SNX29: variants seen among roughly 807,000 people sequenced by gnomAD.
SNX29 encodes the protein sorting nexin 29, also known as sorting nexin-29.
Under a neutral mutation model 102.1 loss-of-function variants are expected in SNX29, and 78 were observed. The observed-to-expected ratio is 0.76, with a 90% confidence interval of 0.64 to 0.92. SNX29 has a LOEUF of 0.92. Among genes scored for constraint, SNX29 ranks in the 40% least tolerant of loss-of-function variants. The pLI is 0.00. For missense variants in SNX29, 1,280 were observed against 1,061.7 expected (o/e 1.21, Z -2.86); for synonymous variants, 580 against 414.5 (o/e 1.40, Z -4.85).
chr16:12,330,440 C>T lies in SNX29; in HGVS notation c.1783-25723C>T, dbSNP rs1172680565. Among the ~76,000 whole-genome samples, 5 of 152,284 alleles carry T rather than the reference C, an allele frequency of 3.3e-5. No individual in the cohort carries two copies. The East Asian group carries it at 7.7e-4, about 24-fold the overall frequency. On this transcript the variant is annotated intron_variant, in intron 15 of 20. Coordinates refer to ENST00000566228, the MANE Select transcript of SNX29 (RefSeq NM_032167.5). ...TGAGATCACACCACGGCACTCCAGC[C>T]TGAAATGGGCTTGACGGTCATAAGT...
chr16:12,541,170 T>A (rs2077318340), intron 20 of SNX29, among the ~76,000 whole-genome samples: 1 of 152,186 alleles, frequency 6.6e-6, no homozygotes, highest in Non-Finnish European at 1.5e-5. Flanking sequence ...ACCTGGAACC[T>A]CTTCCTCAGT....
intron 13 of SNX29, among the ~76,000 whole-genome samples, chr16:12,192,103 G>T (rs1399984314): frequency 6.6e-6 from 1 of 152,176 alleles, no homozygotes; most frequent in African/African-American, 2.4e-5. Context: ...AGTGCTGTCT[G>T]GGGTTGCTGG....
intron 18 of SNX29, among the ~76,000 whole-genome samples, chr16:12,407,286 T>G (rs1256933037): frequency 6.6e-5 from 10 of 152,042 alleles, no homozygotes; most frequent in African/African-American, 2.4e-5. Flanking sequence ...AAGGCTGGGG[T>G]CATTGCCTTT....
rs549745628 is a variant in SNX29, at chr16:12,215,763, A to C, written c.1678+16080A>C. On this transcript the variant is annotated intron_variant, in intron 14 of 20. Transcript: ENST00000566228. ...TTTCTGATTTTGTCCTCGTAATCTC[A>C]CTGTTTTGGGGAATGAATTCCTCCA... Among the ~76,000 whole-genome samples, 33 of 152,212 alleles carry C rather than the reference A, an allele frequency of 2.2e-4. No individual in the cohort carries two copies. The South Asian group carries it at 6.7e-3, about 31-fold the overall frequency.
intron 14 of SNX29, among the ~76,000 whole-genome samples, chr16:12,252,270 C>G (rs974537178): frequency 6.6e-6 from 1 of 151,544 alleles, no homozygotes; most frequent in African/African-American, 2.4e-5. Flanking sequence ...CCTCTATCCT[C>G]CTGTCTAAAA....
intron 13 of SNX29, among the ~76,000 whole-genome samples, chr16:12,168,004 G>A (rs746619546): frequency 6.6e-6 from 1 of 152,174 alleles, no homozygotes; most frequent in African/African-American, 2.4e-5. Context: ...CAGCCAGCAC[G>A]CTGCGCTGGC....
intron 16 of SNX29, among the ~76,000 whole-genome samples, chr16:12,390,859 A>C (rs116708734): frequency 6.6e-6 from 1 of 151,052 alleles, no homozygotes; most frequent in African/African-American, 2.4e-5. Flanking sequence ...GGCCCAGCTG[A>C]CTCAAGTCTT....
intron 20 of SNX29, among the ~76,000 whole-genome samples, chr16:12,560,586 G>A (rs1332899007): frequency 6.6e-6 from 1 of 152,144 alleles, no homozygotes; most frequent in Non-Finnish European, 1.5e-5. Flanking sequence ...CTGTCCATCT[G>A]TACCTCTCAT....
At chr16:12,153,563 T>C (rs896853958) in intron 13 of SNX29, among the ~76,000 whole-genome samples, 1 of 151,492 alleles carries the variant, frequency 6.6e-6, no homozygotes, top group Admixed American at 6.6e-5. Flanking sequence ...AGCCTCTGCC[T>C]CCTGGGTTCA....
intron 20 of SNX29, among the ~76,000 whole-genome samples, chr16:12,539,708 G>C (rs952896685): frequency 1.3e-5 from 2 of 152,180 alleles, no homozygotes; most frequent in African/African-American, 4.8e-5. Context: ...ATACTGTCAT[G>C]ATTCTTTACT....
intron 20 of SNX29, among the ~76,000 whole-genome samples, chr16:12,565,497 C>T (rs138261588): frequency 6.6e-6 from 1 of 152,310 alleles, no homozygotes; most frequent in Non-Finnish European, 1.5e-5. Flanking sequence ...GCCTCCAAGC[C>T]TGTGTCCCGA....
chr16:12,512,397 T>TTTTCGGTTTTTG (rs2089667451), intron 19 of SNX29, among the ~76,000 whole-genome samples: 1 of 82,554 alleles, frequency 1.2e-5, no homozygotes, highest in African/African-American at 4.9e-5. Context: ...TATATATATA[T>TTTTCGGTTTTTG]ATATATATAT....
Position 12,048,658 on chromosome 16 carries a change from A to G in SNX29, c.748+38A>G, listed in dbSNP as rs2151204029. 4 of 1,613,874 alleles carry G rather than the reference A, an allele frequency of 2.5e-6. No homozygotes were observed. In the South Asian group the frequency reaches 3.3e-5, roughly 13 times the overall value. ...GGGTGCTCGAGGCGGAGCAGAGGGA[A>G]TCAGAATGTGGCGGATGGGGTGGAC... On this transcript the variant is annotated intron_variant, in intron 7 of 20. Coordinates refer to ENST00000566228, the MANE Select transcript of SNX29 (RefSeq NM_032167.5).
At chr16:12,251,318 G>A (rs1468652158) in intron 14 of SNX29, among the ~76,000 whole-genome samples, 1 of 152,188 alleles carries the variant, frequency 6.6e-6, no homozygotes, top group Non-Finnish European at 1.5e-5. Context: ...AAATGTCATC[G>A]CCATTATGTT....
chr16:12,279,873 C>A (rs2079376824), intron 15 of SNX29, among the ~76,000 whole-genome samples: 1 of 152,200 alleles, frequency 6.6e-6, no homozygotes, highest in South Asian at 2.1e-4. Context: ...ATGAAAGGTT[C>A]TGTTCCTCTG....
At chr16:12,445,133 G>T (rs1469854251) in intron 18 of SNX29, among the ~76,000 whole-genome samples, 2 of 151,956 alleles carry the variant, frequency 1.3e-5, no homozygotes, top group African/African-American at 2.4e-5. Context: ...TTATAGAAGT[G>T]AGCCACTGTG....
chr16:11,981,737 T>C (rs2055420611), intron 1 of SNX29, among the ~76,000 whole-genome samples: 1 of 152,232 alleles, frequency 6.6e-6, no homozygotes, highest in African/African-American at 2.4e-5. Flanking sequence ...AATATATATA[T>C]ACAAGATAAA....
At chr16:12,430,638 T>TTA (rs767887599) in intron 18 of SNX29, among the ~76,000 whole-genome samples, 2 of 152,242 alleles carry the variant, frequency 1.3e-5, no homozygotes, top group Admixed American at 6.5e-5. Context: ...TGTAAAGCAC[T>TTA]TATATAGTCC....
chr16:12,208,326 C>T (rs573353650), intron 14 of SNX29, among the ~76,000 whole-genome samples: 66 of 152,324 alleles, frequency 4.3e-4, no homozygotes, highest in African/African-American at 1.4e-3. Flanking sequence ...GCTGTCCCTG[C>T]TGGGGCACTC....
Sources: allele counts gnomAD v4.1 joint callset (sites outside exome capture counted in the v4.1 genomes callset), GRCh38; gene constraint gnomAD v4.1.1; transcripts MANE v1.5; gene names NCBI Gene and HGNC (gene_info 2026-07-23, HGNC 2026-07-21).